BRIP1: variants seen among roughly 807,000 people sequenced by gnomAD.
The protein encoded by BRIP1 is Fanconi anemia group J protein.
A neutral mutation model predicts 119.7 loss-of-function variants in BRIP1; 88 were observed. That is an observed-to-expected ratio of 0.74 (90% CI 0.62 to 0.88). The LOEUF is 0.88. Among genes scored for constraint, BRIP1 ranks in the 40% least tolerant of loss-of-function variants. The pLI is 0.00. For synonymous variants in BRIP1, 443 were observed against 496.5 expected (o/e 0.89, Z 1.43); for missense variants, 1,259 against 1,455.4 (o/e 0.87, Z 2.20).
Position 61,720,217 on chromosome 17 carries a change from G to A in BRIP1, c.2380-4154C>T, listed in dbSNP as rs9891463. Among the ~76,000 whole-genome samples the A allele has an allele frequency of 0.04, 6,066 of 152,182 alleles. 444 individuals carry two copies. The highest frequency in any genetic ancestry group is 0.14 in the African/African-American group (5,757 of 41,488). On this transcript the variant is annotated intron_variant, in intron 16 of 19. Coordinates refer to ENST00000259008, the MANE Select transcript of BRIP1 (RefSeq NM_032043.3). The surrounding 1 kb of genome is among the most constrained non-coding windows in gnomAD (Gnocchi z 4.3). ...TTTATACCACAGTAGGATGACTATA[G>A]TTAACAATATTACATCATTTCAAAT... is the stretch of plus-strand genomic sequence containing the variant.
At chr17:61,839,877 T>C (rs1411911622) in intron 6 of BRIP1, among the ~76,000 whole-genome samples, 1 of 152,214 alleles carries the variant, frequency 6.6e-6, no homozygotes, top group East Asian at 1.9e-4. Context: ...GATACAGCTA[T>C]ATTTTACCAA....
chr17:61,794,579 T>A lies in BRIP1; in HGVS notation c.1341-850A>T, dbSNP rs2145254741. On this transcript the variant is annotated intron_variant, in intron 9 of 19. Coordinates refer to ENST00000259008, the MANE Select transcript of BRIP1 (RefSeq NM_032043.3). This position sits in a 1 kb window ranked among gnomAD's most constrained non-coding sequence, Gnocchi z 4.3. The stretch of plus-strand genomic sequence containing the variant: ...GGAAAAGATCAGGAAAAATAACTAA[T>A]GAGTTATAAGGCTTAATACCTGGGT... Among the ~76,000 whole-genome samples the A allele has an allele frequency of 6.6e-6, 1 of 151,692 alleles. No homozygotes were observed. The highest frequency in any genetic ancestry group is 6.6e-5 in the Admixed American group (1 of 15,196).
intron 16 of BRIP1, among the ~76,000 whole-genome samples, chr17:61,723,402 GC>G (rs2062014666): frequency 6.6e-6 from 1 of 152,134 alleles, no homozygotes; most frequent in Non-Finnish European, 1.5e-5. Flanking sequence ...CCAGCAAAAG[GC>G]CCAAGGCAAG....
At position 61,827,051 on chromosome 17, in the gene BRIP1, A is replaced by T. The variant is rs1165743208; in HGVS notation, c.628-18294T>A. 2.6e-5 allele frequency among the ~76,000 whole-genome samples: 4 copies of T among 151,908 alleles called. No individual in the cohort carries two copies. The South Asian group carries it at 6.3e-4, about 24-fold the overall frequency. On this transcript the variant is annotated intron_variant, in intron 6 of 19. Coordinates refer to ENST00000259008, the MANE Select transcript of BRIP1 (RefSeq NM_032043.3). This position sits in a 1 kb window ranked among gnomAD's most constrained non-coding sequence, Gnocchi z 5.8. The stretch of plus-strand genomic sequence containing the variant: ...GCTAATCAATGGTAGACTAGATTTT[A>T]AAAATGTGGTACATATACACTGTGG...
intron 17 of BRIP1, among the ~76,000 whole-genome samples, chr17:61,702,972 C>CTTTT (rs61428664): frequency 7.2e-5 from 9 of 125,208 alleles, no homozygotes; most frequent in Non-Finnish European, 8.5e-5. Flanking sequence ...AGCATCTGTT[C>CTTTT]TTTTTTTTTT....
In BRIP1 at chr17:61,700,371, G is replaced by A. The variant is rs890194503; in HGVS notation, c.2493-6859C>T. Among the ~76,000 whole-genome samples, 21 of 151,892 alleles carry A rather than the reference G, an allele frequency of 1.4e-4. No homozygotes were observed. Among genetic ancestry groups the A allele is most frequent in the South Asian group, 6.2e-4 (3 of 4,814 alleles). On this transcript the variant is annotated intron_variant, in intron 17 of 19. Transcript: ENST00000259008. The surrounding 1 kb of genome is among the most constrained non-coding windows in gnomAD (Gnocchi z 4.1). ...TGAAAGACTCCTTTTAGTATTTCTC[G>A]TAGGACAAGTTTGCTACAGAGTAAT...
chr17:61,801,657 G>A (rs1030800435), intron 7 of BRIP1, among the ~76,000 whole-genome samples, 183 bp from the exon 8 acceptor site: 17 of 152,126 alleles, frequency 1.1e-4, no homozygotes, highest in African/African-American at 3.1e-4. Flanking sequence ...CAATCACAAC[G>A]AAGTCTGGTT....
At position 61,808,480 on chromosome 17, in the gene BRIP1, A is replaced by G; in HGVS notation, c.905T>C (p.Leu302Pro). The stretch of plus-strand genomic sequence containing the variant: ...AACTTTACTCACGTTTTTCCCATCT[A>G]GCAATTCCATGCACTTCTCATTTCT... ...FNRNEKCMEL[L>P]DGKNGKSCYF... Residue 302 changes from leucine to proline, a missense_variant, in exon 7 of 20, where the codon CTA (leucine) becomes CCA (proline). By Grantham distance (98) the Leu-to-Pro change is moderately conservative. Around this residue, in one of 3 missense-constraint regions of BRIP1, gnomAD observed 501 missense variants for 544.0 expected, o/e 0.92. Transcript: ENST00000259008. The surrounding 1 kb of genome is among the most constrained non-coding windows in gnomAD (Gnocchi z 4.1). 1 of 1,613,466 alleles carries G rather than the reference A, an allele frequency of 6.2e-7. No individual in the cohort carries two copies. The highest frequency in any genetic ancestry group is 2.2e-5 in the East Asian group (1 of 44,864).
intron 16 of BRIP1, among the ~76,000 whole-genome samples, chr17:61,728,104 C>A (rs1248151133): frequency 3.9e-5 from 6 of 152,080 alleles, no homozygotes; most frequent in Non-Finnish European, 7.4e-5. Flanking sequence ...GCTGGGATTA[C>A]AGGCGTGAGC....
In BRIP1 at chr17:61,693,399, G is replaced by C; in HGVS notation, c.2575+31C>G. The C allele has an allele frequency of 6.4e-7, 1 of 1,569,834 alleles. No individual in the cohort carries two copies. Among genetic ancestry groups the C allele is most frequent in the African/African-American group, 1.4e-5 (1 of 73,988 alleles). ...AATAAAAATATGAAGATTGTTACTA[G>C]TTTTTACTCTAAGCCCAGCTGAGAT... On this transcript the variant is annotated intron_variant, in intron 18 of 19. Coordinates refer to ENST00000259008, the MANE Select transcript of BRIP1 (RefSeq NM_032043.3). This position sits in a 1 kb window ranked among gnomAD's most constrained non-coding sequence, Gnocchi z 4.2.
Position 61,827,391 on chromosome 17 carries a change from C to G in BRIP1, c.628-18634G>C, listed in dbSNP as rs1020992956. Among the ~76,000 whole-genome samples the G allele has an allele frequency of 6.6e-6, 1 of 152,002 alleles. No homozygotes were observed. Among genetic ancestry groups the G allele is most frequent in the Admixed American group, 6.6e-5 (1 of 15,244 alleles). The stretch of plus-strand genomic sequence containing the variant: ...CTACCACACAAGTTTACCTATATAA[C>G]AAACCTGAGCATGTACCCCTGAACT... On this transcript the variant is annotated intron_variant, in intron 6 of 19. Coordinates refer to ENST00000259008, the MANE Select transcript of BRIP1 (RefSeq NM_032043.3). The surrounding 1 kb of genome is among the most constrained non-coding windows in gnomAD (Gnocchi z 5.8).
chr17:61,858,379 T>TG (rs923986440), intron 3 of BRIP1, among the ~76,000 whole-genome samples: 21 of 151,596 alleles, frequency 1.4e-4, no homozygotes, highest in African/African-American at 5.1e-4. Context: ...TTTACTGTTT[T>TG]TTTTTTTTTT....
rs1384396768 is a variant in BRIP1, at chr17:61,685,953, A to G, written c.2788T>C (p.Ser930Pro). Residue 930 changes from serine to proline, a missense_variant, in exon 19 of 20, where the codon TCA (serine) becomes CCA (proline). Physicochemically the swap from Ser to Pro is moderately conservative, Grantham distance 74 (BLOSUM62 -1). Transcript: ENST00000259008. ...PYLLEAASHLSPENFVEDEAK... is the reference protein window; with the variant it reads ...PYLLEAASHLPPENFVEDEAK... ...TCATCTTCCACAAAATTTTCTGGTG[A>G]TAGATGACTTGCTGCTTCCAGTAAA... The G allele has an allele frequency of 1.2e-6, 2 of 1,613,880 alleles. No homozygotes were observed. The highest frequency in any genetic ancestry group is 1.3e-5 in the African/African-American group (1 of 74,928).
rs2077183604 is a variant in BRIP1, at chr17:61,755,152, T to C, written c.2098-10561A>G. 6.6e-6 allele frequency among the ~76,000 whole-genome samples: 1 copy of C among 152,166 alleles called. No individual in the cohort carries two copies. Among genetic ancestry groups the C allele is most frequent in the African/African-American group, 2.4e-5 (1 of 41,450 alleles). On this transcript the variant is annotated intron_variant, in intron 14 of 19. Coordinates refer to ENST00000259008, the MANE Select transcript of BRIP1 (RefSeq NM_032043.3). This position sits in a 1 kb window ranked among gnomAD's most constrained non-coding sequence, Gnocchi z 4.5. ...ATAGAAAGTGGTCAGTAAATACTTT[T>C]TGAATGAATTTTATAAATGAATGAA...
chr17:61,861,502 A>G lies in BRIP1; in HGVS notation c.38T>C (p.Val13Ala), dbSNP rs1555618729. ...SMWSEYTIGG[V>A]KIYFPYKAYP... ...AGCTTTATAAGGAAAGTAAATCTTC[A>G]CCCCACCAATTGTATATTCAGACCA... Residue 13 changes from valine to alanine, a missense_variant, in exon 2 of 20, where the codon GTG becomes GCG. By Grantham distance (64) the Val-to-Ala change is moderately conservative. Coordinates refer to ENST00000259008, the MANE Select transcript of BRIP1 (RefSeq NM_032043.3). This position sits in a 1 kb window ranked among gnomAD's most constrained non-coding sequence, Gnocchi z 4.5. The G allele has an allele frequency of 1.2e-6, 2 of 1,613,348 alleles. No individual in the cohort carries two copies. The highest frequency in any genetic ancestry group is 1.7e-6 in the Non-Finnish European group (2 of 1,179,446).
chr17:61,735,709 G>A lies in BRIP1; in HGVS notation c.2379+7304C>T, dbSNP rs1454376560. Among the ~76,000 whole-genome samples, 3 of 152,056 alleles carry A rather than the reference G, an allele frequency of 2.0e-5. No homozygotes were observed. The highest frequency in any genetic ancestry group is 2.9e-5 in the Non-Finnish European group (2 of 68,002). ...CCAGCTACCCAGGAGGCTGAGGTGG[G>A]AGGATCACCTGAGCCCGAGAGGCCA... On this transcript the variant is annotated intron_variant, in intron 16 of 19. Coordinates refer to ENST00000259008, the MANE Select transcript of BRIP1 (RefSeq NM_032043.3). This position sits in a 1 kb window ranked among gnomAD's most constrained non-coding sequence, Gnocchi z 4.4.
In BRIP1 at chr17:61,753,695, G is replaced by A. The variant is rs1232093995; in HGVS notation, c.2098-9104C>T. 1.3e-5 allele frequency among the ~76,000 whole-genome samples: 2 copies of A among 151,252 alleles called. No individual in the cohort carries two copies. The highest frequency in any genetic ancestry group is 2.9e-5 in the Non-Finnish European group (2 of 67,922). On this transcript the variant is annotated intron_variant, in intron 14 of 19. Coordinates refer to ENST00000259008, the MANE Select transcript of BRIP1 (RefSeq NM_032043.3). The surrounding 1 kb of genome is among the most constrained non-coding windows in gnomAD (Gnocchi z 4.6). The stretch of plus-strand genomic sequence containing the variant: ...CAGCTCATTGTAGCCTCACATTCCT[G>A]GGCTCAAGCGATCCTCCCACCTCAA...
rs948095743 is a variant in BRIP1 at position 61,717,059 on chromosome 17, A to C, written c.2380-996T>G. 4.6e-5 allele frequency among the ~76,000 whole-genome samples: 7 copies of C among 152,066 alleles called. No individual in the cohort carries two copies. The highest frequency in any genetic ancestry group is 1.7e-4 in the African/African-American group (7 of 41,442). Reference sequence around the variant, plus strand: ...ATTTTGATTATGCTTTAAACAGTACATTATCTTTTAATTTTAAATAAGTTT... The same window carrying C: ...ATTTTGATTATGCTTTAAACAGTACCTTATCTTTTAATTTTAAATAAGTTT... On this transcript the variant is annotated intron_variant, in intron 16 of 19. Transcript: ENST00000259008. The surrounding 1 kb of genome is among the most constrained non-coding windows in gnomAD (Gnocchi z 4.1).
chr17:61,701,540 C>T lies in BRIP1; in HGVS notation c.2493-8028G>A, dbSNP rs957002029. Among the ~76,000 whole-genome samples, 1 of 152,208 alleles carries T rather than the reference C, an allele frequency of 6.6e-6. No individual in the cohort carries two copies. Among genetic ancestry groups the T allele is most frequent in the African/African-American group, 2.4e-5 (1 of 41,460 alleles). On this transcript the variant is annotated intron_variant, in intron 17 of 19. Coordinates refer to ENST00000259008, the MANE Select transcript of BRIP1 (RefSeq NM_032043.3). The surrounding 1 kb of genome is among the most constrained non-coding windows in gnomAD (Gnocchi z 5.1). The stretch of plus-strand genomic sequence containing the variant: ...GTTTTCACTTCCTGCTTCAGCAGAG[C>T]ACCAAGGTGATAGCTTAGGGCCTTT...
Sources: gnomAD v4.1 joint callset for allele counts (sites outside exome capture counted in the v4.1 genomes callset) on GRCh38, gnomAD v4.1.1 for gene constraint, gnomAD v4.1.1 regional missense constraint, Gnocchi (gnomAD v3.1) non-coding constraint, MANE v1.5 for transcripts, NCBI Gene and HGNC (gene_info 2026-07-23, HGNC 2026-07-21) for gene names.